The following NLGN1 variants were observed in gnomAD, a reference collection of about 807,000 sequenced individuals.
NLGN1 encodes the protein neuroligin 1.
NLGN1 carries 12 observed loss-of-function variants against 65.5 expected under a neutral mutation model. That is an observed-to-expected ratio of 0.18 (90% CI 0.12 to 0.30). NLGN1 has a LOEUF of 0.30. Among genes scored for constraint, NLGN1 ranks in the 10% least tolerant of loss-of-function variants. The pLI, the probability that NLGN1 is intolerant of heterozygous loss-of-function variation, is 1.00. For synonymous variants in NLGN1, 350 were observed against 359.5 expected (o/e 0.97, Z 0.30); for missense variants, 750 against 1,007.1 (o/e 0.74, Z 3.46).
chr3:174,119,469 G>A (rs1366100733), intron 4 of NLGN1, among the ~76,000 whole-genome samples: 3 of 151,906 alleles, frequency 2.0e-5, no homozygotes, highest in Non-Finnish European at 4.4e-5. Context: ...TTAAAATTTT[G>A]TGCCAACCTA....
chr3:173,607,795 GCTTTGCCAGGA>G (rs1751620577), intron 3 of NLGN1, among the ~76,000 whole-genome samples: 1 of 151,076 alleles, frequency 6.6e-6, no homozygotes, highest in African/African-American at 2.4e-5. Flanking sequence ...GAGAATAGTT[GCTTTGCCAGGA>G]CTTTATGAAT....
At chr3:173,898,268 A>G (rs1736687287) in intron 4 of NLGN1, among the ~76,000 whole-genome samples, 1 of 152,238 alleles carries the variant, frequency 6.6e-6, no homozygotes, top group Admixed American at 6.5e-5. Context: ...TTTTACAGAA[A>G]GTAAACATAG....
intron 4 of NLGN1, among the ~76,000 whole-genome samples, chr3:173,969,468 T>C (rs1715680429): frequency 6.6e-6 from 1 of 152,118 alleles, no homozygotes. Context: ...AAATTAAATA[T>C]CGCTAGTAAA....
At chr3:174,232,329 ACTT>A (rs1740867011) in intron 4 of NLGN1, among the ~76,000 whole-genome samples, 1 of 152,132 alleles carries the variant, frequency 6.6e-6, no homozygotes, top group East Asian at 1.9e-4. Context: ...GGCCATTTTC[ACTT>A]CTTTTGTGGT....
intron 3 of NLGN1, among the ~76,000 whole-genome samples, chr3:173,786,809 G>C (rs142782974): frequency 1.3e-5 from 2 of 152,294 alleles, no homozygotes; most frequent in East Asian, 3.9e-4. Context: ...GGGCATGGTG[G>C]CTCACGCCTA....
chr3:173,804,525 A>G (rs1716179784), intron 3 of NLGN1, among the ~76,000 whole-genome samples: 1 of 152,114 alleles, frequency 6.6e-6, no homozygotes, highest in Non-Finnish European at 1.5e-5. Context: ...CATTATTATT[A>G]AAATGATGGA....
At chr3:174,062,934 C>T (rs1019015552) in intron 4 of NLGN1, among the ~76,000 whole-genome samples, 40 of 152,132 alleles carry the variant, frequency 2.6e-4, no homozygotes, top group Non-Finnish European at 3.2e-4. Context: ...ATCATAACAA[C>T]CAGAACCTTT....
At chr3:174,273,319 C>A (rs900503428) in intron 4 of NLGN1, among the ~76,000 whole-genome samples, 1 of 151,496 alleles carries the variant, frequency 6.6e-6, no homozygotes, top group Admixed American at 6.6e-5. Context: ...ACGCACATAT[C>A]CTTTTTCCTT....
chr3:174,005,644 A>G (rs920137299), intron 4 of NLGN1, among the ~76,000 whole-genome samples: 12 of 151,986 alleles, frequency 7.9e-5, no homozygotes, highest in Admixed American at 7.9e-4. Context: ...AGCAGACACA[A>G]TACTGTGTTC....
intron 4 of NLGN1, among the ~76,000 whole-genome samples, chr3:174,022,809 T>C (rs1237782857): frequency 6.6e-6 from 1 of 152,064 alleles, no homozygotes; most frequent in Non-Finnish European, 1.5e-5. Context: ...TGACTTACCA[T>C]TGTCCTTCCA....
chr3:173,888,044 A>G (rs1363662167), intron 4 of NLGN1, among the ~76,000 whole-genome samples: 1 of 152,078 alleles, frequency 6.6e-6, no homozygotes. Context: ...GCCTGTAGTG[A>G]CAGTGAAACA....
At chr3:173,768,115 T>C (rs1779036296) in intron 3 of NLGN1, among the ~76,000 whole-genome samples, 1 of 152,166 alleles carries the variant, frequency 6.6e-6, no homozygotes, top group Non-Finnish European at 1.5e-5. Flanking sequence ...TTAGATAATT[T>C]ATCCAAGTTA....
At chr3:174,095,500 A>G (rs1266736482) in intron 4 of NLGN1, among the ~76,000 whole-genome samples, 3 of 148,322 alleles carry the variant, frequency 2.0e-5, no homozygotes, top group South Asian at 2.1e-4. Context: ...TGTGTGTAGA[A>G]TTATGGAGGT....
At chr3:173,847,338 A>G (rs1415178464) in intron 4 of NLGN1, among the ~76,000 whole-genome samples, 2 of 152,164 alleles carry the variant, frequency 1.3e-5, no homozygotes, top group African/African-American at 2.4e-5. Context: ...TAGATCTCTC[A>G]ATGCATTTTT....
chr3:173,984,651 A>C (rs1256552383), intron 4 of NLGN1, among the ~76,000 whole-genome samples: 1 of 152,184 alleles, frequency 6.6e-6, no homozygotes, highest in Non-Finnish European at 1.5e-5. Context: ...CATTTGTTTT[A>C]TCCTGTACAA....
At chr3:174,192,191 AC>A (rs1246862971) in intron 4 of NLGN1, among the ~76,000 whole-genome samples, 3 of 152,166 alleles carry the variant, frequency 2.0e-5, no homozygotes. Flanking sequence ...AGAAAAAAAA[AC>A]ATAAAAGGCA....
rs530759745 is a variant in NLGN1, at chr3:173,483,491, A to G, written c.-321+48413A>G. Among the ~76,000 whole-genome samples the G allele has an allele frequency of 2.6e-5, 4 of 152,222 alleles. No homozygotes were observed. In the South Asian group the frequency reaches 8.3e-4, roughly 32 times the overall value. On this transcript the variant is annotated intron_variant, in intron 2 of 6. Coordinates refer to ENST00000457714, the Ensembl canonical transcript of NLGN1. ...TAGTCCCACAATTTTAAATGAAAGG[A>G]TAACAGTTTATCATTCAAACATACC...
rs1751174710 is a variant in NLGN1 at position 174,279,357 on chromosome 3, A to G, written c.1356A>G (p.Arg452=). The G allele has an allele frequency of 6.2e-7, 1 of 1,613,340 alleles. No homozygotes were observed. Among genetic ancestry groups the G allele is most frequent in the Admixed American group, 1.7e-5 (1 of 59,912 alleles). ...CTGACCGTCATAACCCTGAAACCAG[A>G]AGAAAGACATTACTGGCTTTGTTTA... The change falls in exon 6 of 7, where the codon AGA becomes AGG. Residue 452 remains arginine (R), a synonymous_variant. Coordinates refer to ENST00000457714, the Ensembl canonical transcript of NLGN1. The surrounding 1 kb of genome is among the most constrained non-coding windows in gnomAD (Gnocchi z 4.7).
intron 4 of NLGN1, among the ~76,000 whole-genome samples, chr3:174,078,301 G>A (rs1741431520): frequency 6.6e-6 from 1 of 152,080 alleles, no homozygotes; most frequent in Non-Finnish European, 1.5e-5. Context: ...TTATGTCAAT[G>A]TAGTTCCCTG....
Sources: allele counts gnomAD v4.1 joint callset (sites outside exome capture counted in the v4.1 genomes callset), GRCh38; gene constraint gnomAD v4.1.1; non-coding constraint Gnocchi (gnomAD v3.1); transcripts MANE v1.5; gene names NCBI Gene and HGNC (gene_info 2026-07-23, HGNC 2026-07-21).